ECE1: variants seen among roughly 807,000 people sequenced by gnomAD.
The protein encoded by ECE1 is endothelin converting enzyme 1.
A neutral mutation model predicts 98.6 loss-of-function variants in ECE1; 35 were observed. That is an observed-to-expected ratio of 0.35 (90% confidence interval 0.27 to 0.47). The LOEUF (loss-of-function observed/expected upper bound fraction) is 0.47. Ranked by LOEUF, ECE1 falls within the 20% of genes least tolerant of loss-of-function variation. The probability of loss-of-function intolerance (pLI) is 1.00; values close to 1 mark genes in which losing one functional copy is unlikely to be tolerated. For missense variants in ECE1, 814 were observed against 1,025.3 expected, an observed-to-expected ratio of 0.79 and a Z score of 2.81; for synonymous variants, 394 against 407.1, an observed-to-expected ratio of 0.97 and a Z score of 0.39.
chr1:21,267,687 C>A lies in ECE1; in HGVS notation c.493+5012G>T, dbSNP rs896781579. ...AACAGACTAAGAATCAATCAATCCA[C>A]GTAACCATTCCCCAAACAGGAAGGC... On this transcript the variant is annotated intron_variant, in intron 4 of 18. Coordinates refer to ENST00000374893, the MANE Select transcript of ECE1 (RefSeq NM_001397.3). Among the ~76,000 whole-genome samples the A allele has an allele frequency of 2.0e-5, 3 of 152,124 alleles. No homozygotes were observed. In the East Asian group the frequency reaches 5.8e-4, roughly 29 times the overall value.
At chr1:21,321,632 T>C (rs1638965880) in intron 1 of ECE1, among the ~76,000 whole-genome samples, 1 of 151,910 alleles carries the variant, frequency 6.6e-6, no homozygotes, top group Admixed American at 6.6e-5. Flanking sequence ...GATTGATTGA[T>C]TGAGATGGAG....
At chr1:21,252,019 C>T (rs1288950483) in intron 8 of ECE1, among the ~76,000 whole-genome samples, 2 of 152,206 alleles carry the variant, frequency 1.3e-5, no homozygotes, top group African/African-American at 2.4e-5. Flanking sequence ...AGCCACCTGA[C>T]TGCATGACCT....
intron 17 of ECE1, 105 bp from the exon 18 acceptor site, chr1:21,221,947 A>T (rs1410065229): frequency 2.0e-6 from 2 of 1,002,648 alleles, no homozygotes; most frequent in Non-Finnish European, 3.2e-6. Flanking sequence ...GGCAAGGACT[A>T]GTTTCTGGGG....
chr1:21,255,759 C>T (rs1433135824), intron 8 of ECE1, among the ~76,000 whole-genome samples, 188 bp downstream of exon 8: 6 of 152,174 alleles, frequency 3.9e-5, no homozygotes, highest in African/African-American at 1.4e-4. Flanking sequence ...AGCTGTGTGC[C>T]CTTCAGCAGG....
chr1:21,243,696 G>A (rs141807487), intron 10 of ECE1, among the ~76,000 whole-genome samples: 3 of 152,376 alleles, frequency 2.0e-5, no homozygotes, highest in African/African-American at 7.2e-5. Context: ...TCCCCTGGGA[G>A]GCCAAGTTCT....
intron 4 of ECE1, among the ~76,000 whole-genome samples, chr1:21,272,295 C>T (rs1293002623): frequency 6.6e-6 from 1 of 152,164 alleles, no homozygotes; most frequent in Non-Finnish European, 1.5e-5. Context: ...CCAGGCTCCT[C>T]TTTTCTTGTT....
intron 10 of ECE1, among the ~76,000 whole-genome samples, chr1:21,240,473 T>A (rs765585056): frequency 3.1e-4 from 47 of 152,262 alleles, no homozygotes; most frequent in Admixed American, 2.9e-3. Context: ...GGTGACAGAA[T>A]AAGACTCTGT....
chr1:21,253,580 G>A (rs1435664374), intron 8 of ECE1, among the ~76,000 whole-genome samples: 1 of 150,676 alleles, frequency 6.6e-6, no homozygotes, highest in African/African-American at 2.4e-5. Flanking sequence ...GGCTAACACG[G>A]TGAAACCCGG....
intron 8 of ECE1, among the ~76,000 whole-genome samples, chr1:21,249,176 C>G (rs1282287091): frequency 6.6e-6 from 1 of 150,478 alleles, no homozygotes; most frequent in African/African-American, 2.4e-5. Context: ...AACCCTGTCT[C>G]TACCAAAATT....
At chr1:21,280,883 C>A (rs1486758215) in intron 2 of ECE1, among the ~76,000 whole-genome samples, 1 of 151,958 alleles carries the variant, frequency 6.6e-6, no homozygotes, top group Non-Finnish European at 1.5e-5. Flanking sequence ...AAAAAAAAAA[C>A]TGGGTTCCAA....
chr1:21,240,075 GC>G (rs750688053), intron 10 of ECE1, among the ~76,000 whole-genome samples: 1 of 152,236 alleles, frequency 6.6e-6, no homozygotes, highest in Non-Finnish European at 1.5e-5. Context: ...GAAGGCTGAG[GC>G]AGGAGAATAG....
At chr1:21,315,071 C>G (rs1638804940) in intron 1 of ECE1, among the ~76,000 whole-genome samples, 1 of 152,186 alleles carries the variant, frequency 6.6e-6, no homozygotes, top group Non-Finnish European at 1.5e-5. Context: ...TAACTACTAT[C>G]CAGGCACTGT....
At chr1:21,306,325 G>GTT (rs1267224328) in intron 1 of ECE1, among the ~76,000 whole-genome samples, 2 of 145,528 alleles carry the variant, frequency 1.4e-5, no homozygotes, top group African/African-American at 5.5e-5. Context: ...TATGTTAAGT[G>GTT]TTTTTTTGTT....
chr1:21,279,328 T>C lies in ECE1; in HGVS notation c.143A>G (p.Asn48Ser). 6.2e-7 allele frequency: 1 copy of C among 1,614,114 alleles called. No individual in the cohort carries two copies. Among genetic ancestry groups the C allele is most frequent in the Non-Finnish European group, 8.5e-7 (1 of 1,180,010 alleles). ...GDAYPNGLQV[N>S]FHSPRSGQRC... is the part of the protein sequence containing the mutation. ...CTGGCCACTCCGGGGGCTGTGGAAG[T>C]TCACCTGCAGGGAAGGAGGCAGGAG... Residue 48 changes from asparagine (N) to serine (S), a missense_variant, in exon 3 of 19, where the codon AAC becomes AGC. By Grantham distance (46) the Asn-to-Ser change is conservative (BLOSUM62 1). Transcript: ENST00000374893.
At chr1:21,234,466 C>T (rs926189167) in intron 13 of ECE1, among the ~76,000 whole-genome samples, 6 of 150,978 alleles carry the variant, frequency 4.0e-5, no homozygotes, top group African/African-American at 1.5e-4. Context: ...CACTACTCGG[C>T]CCAGCTTTCT....
chr1:21,230,264 AT>A (rs1321715082), intron 14 of ECE1, among the ~76,000 whole-genome samples: 1 of 152,182 alleles, frequency 6.6e-6, no homozygotes, highest in Non-Finnish European at 1.5e-5. Context: ...CCTTTAAAAA[AT>A]TATCACTTTT....
At chr1:21,273,494 C>T (rs1349466623) in intron 3 of ECE1, among the ~76,000 whole-genome samples, 1 of 152,020 alleles carries the variant, frequency 6.6e-6, no homozygotes, top group Admixed American at 6.6e-5. Flanking sequence ...AAATGTCTGT[C>T]CTCCTTTCTA....
At chr1:21,287,266 C>T (rs1011515483) in intron 2 of ECE1, among the ~76,000 whole-genome samples, 1 of 152,210 alleles carries the variant, frequency 6.6e-6, no homozygotes, top group Non-Finnish European at 1.5e-5. Flanking sequence ...TGGCTCATGC[C>T]TGCAATCCCA....
chr1:21,277,525 C>A (rs2098248930), intron 3 of ECE1, among the ~76,000 whole-genome samples: 1 of 152,102 alleles, frequency 6.6e-6, no homozygotes, highest in South Asian at 2.1e-4. Context: ...ATGGCAGTGG[C>A]AGGAGAGGAT....
Sources: gnomAD v4.1 joint callset for allele counts (sites outside exome capture counted in the v4.1 genomes callset) on GRCh38, gnomAD v4.1.1 for gene constraint, MANE v1.5 for transcripts, NCBI Gene and HGNC (gene_info 2026-07-23, HGNC 2026-07-21) for gene names.